Variants in KCNJ6 observed in about 807,000 individuals in gnomAD.
KCNJ6 encodes potassium inwardly rectifying channel subfamily J member 6.
A neutral mutation model predicts 34.2 loss-of-function variants in KCNJ6; 9 were observed. That is an observed-to-expected ratio of 0.26 (90% CI 0.16 to 0.46). KCNJ6 has a LOEUF of 0.46. Ranked by LOEUF, KCNJ6 falls within the 20% of genes least tolerant of loss-of-function variation. The probability of loss-of-function intolerance (pLI) is 1.00; values close to 1 mark genes in which losing one functional copy is unlikely to be tolerated. For missense variants in KCNJ6, 236 were observed against 531.3 expected (o/e 0.44, Z 5.46); for synonymous variants, 196 against 207.1 (o/e 0.95, Z 0.46).
chr21:37,675,185 G>C lies in KCNJ6; in HGVS notation c.946+39026C>G, dbSNP rs2054559159. ...GATATTCCCAGCGTCTGGCAATGTA[G>C]CAGGGGCTCCGTTTTGAACTACTGG... On this transcript the variant is annotated intron_variant, in intron 3 of 3. Transcript: ENST00000609713. The surrounding 1 kb of genome is among the most constrained non-coding windows in gnomAD (Gnocchi z 4.2). Among the ~76,000 whole-genome samples, 1 of 152,306 alleles carries C rather than the reference G, an allele frequency of 6.6e-6. No homozygotes were observed. The highest frequency in any genetic ancestry group is 2.4e-5 in the African/African-American group (1 of 41,564).
intron 1 of KCNJ6, among the ~76,000 whole-genome samples, chr21:37,904,397 C>A (rs2055831385): frequency 6.6e-6 from 1 of 152,024 alleles, no homozygotes; most frequent in South Asian, 2.1e-4. Flanking sequence ...GTGGTGCAAG[C>A]CAAATAAACA....
At chr21:37,680,254 A>G (rs2054584760) in intron 3 of KCNJ6, among the ~76,000 whole-genome samples, 1 of 152,200 alleles carries the variant, frequency 6.6e-6, no homozygotes. Context: ...TTCCTGAGGA[A>G]GAAAGCCCTC....
Position 37,616,551 on chromosome 21 carries a change from T to C in KCNJ6, c.*8608A>G, listed in dbSNP as rs1435690908. The C allele has an allele frequency of 6.5e-5, 8 of 123,070 alleles. No individual in the cohort carries two copies. Among genetic ancestry groups the C allele is most frequent in the African/African-American group, 2.5e-4 (8 of 31,890 alleles). 7.6% of individuals were successfully genotyped at this position (123,070 alleles called of 1,614,324 possible). Reference sequence around the variant, plus strand: ...CATGTATACGCCCAACCATCACTCATAGACTCTCTGGGCAATTATGAAGCA... The same window carrying C: ...CATGTATACGCCCAACCATCACTCACAGACTCTCTGGGCAATTATGAAGCA... On this transcript the variant is annotated 3_prime_UTR_variant, in exon 4 of 4. Transcript: ENST00000609713.
chr21:37,644,495 T>C (rs917066045), intron 3 of KCNJ6, among the ~76,000 whole-genome samples: 2 of 152,200 alleles, frequency 1.3e-5, no homozygotes, highest in East Asian at 3.8e-4. Context: ...ATAAGATGCA[T>C]GTGTCTAAGG....
At chr21:37,914,918 T>G (rs569901713) in intron 1 of KCNJ6, among the ~76,000 whole-genome samples, 83 of 65,176 alleles carry the variant, frequency 1.3e-3, no homozygotes, top group South Asian at 7.4e-3. Context: ...GTTGTGGGGT[T>G]TTTTTTTTTT....
chr21:37,911,741 T>A (rs1483673269), intron 1 of KCNJ6, among the ~76,000 whole-genome samples: 1 of 152,210 alleles, frequency 6.6e-6, no homozygotes, highest in East Asian at 1.9e-4. Flanking sequence ...GAGAAGAGCT[T>A]CACCTTATCT....
intron 2 of KCNJ6, among the ~76,000 whole-genome samples, chr21:37,813,065 AG>A (rs1165487194): frequency 6.6e-6 from 1 of 152,228 alleles, no homozygotes; most frequent in Non-Finnish European, 1.5e-5. Flanking sequence ...AATGCAGTAA[AG>A]GTTCAGGATA....
At chr21:37,736,751 C>A (rs2054915107) in intron 2 of KCNJ6, among the ~76,000 whole-genome samples, 1 of 152,204 alleles carries the variant, frequency 6.6e-6, no homozygotes, top group South Asian at 2.1e-4. Flanking sequence ...GTACTGTTCA[C>A]CTCTGCAGCC....
intron 3 of KCNJ6, among the ~76,000 whole-genome samples, chr21:37,671,323 G>A (rs1490372751): frequency 2.0e-5 from 3 of 152,242 alleles, no homozygotes; most frequent in Non-Finnish European, 4.4e-5. Context: ...AAAGGACTGA[G>A]TTCTGGGGGC....
chr21:37,724,566 G>A (rs922917913), intron 2 of KCNJ6, among the ~76,000 whole-genome samples: 4 of 152,214 alleles, frequency 2.6e-5, no homozygotes, highest in African/African-American at 9.6e-5. Context: ...AGTGAGTGTG[G>A]AGGGGAGTGG....
chr21:37,790,101 C>T (rs2123520934), intron 2 of KCNJ6, among the ~76,000 whole-genome samples: 1 of 152,196 alleles, frequency 6.6e-6, no homozygotes, highest in East Asian at 1.9e-4. Context: ...GGGTCAGACT[C>T]AAGTGGTCCA....
At chr21:37,716,414 C>G (rs902806425) in intron 2 of KCNJ6, among the ~76,000 whole-genome samples, 1 of 145,868 alleles carries the variant, frequency 6.9e-6, no homozygotes, top group African/African-American at 2.6e-5. Flanking sequence ...GGGTCTCGCT[C>G]TGCCACCCAG....
At position 37,639,972 on chromosome 21, in the gene KCNJ6, C is replaced by T. The variant is rs899061753; in HGVS notation, c.947-14488G>A. On this transcript the variant is annotated intron_variant, in intron 3 of 3. Transcript: ENST00000609713. Reference sequence around the variant, plus strand: ...TGATGCTATCATGCTTCCTGTACAGCCTGCAGATCTGTGAGCCAATTAAAC... The same window carrying T: ...TGATGCTATCATGCTTCCTGTACAGTCTGCAGATCTGTGAGCCAATTAAAC... Among the ~76,000 whole-genome samples the T allele has an allele frequency of 1.5e-3, 226 of 152,312 alleles. 1 individual carries two copies. The highest frequency in any genetic ancestry group is 5.3e-3 in the African/African-American group (220 of 41,558).
intron 1 of KCNJ6, among the ~76,000 whole-genome samples, chr21:37,875,590 G>A (rs1016630967): frequency 1.1e-4 from 16 of 152,230 alleles, no homozygotes; most frequent in Non-Finnish European, 2.2e-4. Context: ...ATGTGCAGCT[G>A]CAAACAGCTT....
intron 2 of KCNJ6, among the ~76,000 whole-genome samples, chr21:37,829,036 T>C (rs1196254562): frequency 2.0e-5 from 3 of 152,220 alleles, no homozygotes; most frequent in African/African-American, 7.2e-5. Context: ...CCAGGGCCTG[T>C]GCCATCCTGG....
At chr21:37,711,580 A>AT (rs894478538) in intron 3 of KCNJ6, among the ~76,000 whole-genome samples, 11 of 151,324 alleles carry the variant, frequency 7.3e-5, no homozygotes, top group Admixed American at 2.0e-4. Flanking sequence ...TTTGGTCCAC[A>AT]TTTTTTTTTC....
At chr21:37,723,424 T>C (rs2054836951) in intron 2 of KCNJ6, among the ~76,000 whole-genome samples, 1 of 152,212 alleles carries the variant, frequency 6.6e-6, no homozygotes, top group Admixed American at 6.5e-5. Flanking sequence ...ACTGAATATA[T>C]TCCTAAAGGA....
chr21:37,906,543 C>G (rs115334468), intron 1 of KCNJ6, among the ~76,000 whole-genome samples: 1 of 152,154 alleles, frequency 6.6e-6, no homozygotes, highest in East Asian at 1.9e-4. Flanking sequence ...TCCAGTAGAT[C>G]GGGGGGTGAG....
chr21:37,692,677 G>A (rs867220289), intron 3 of KCNJ6, among the ~76,000 whole-genome samples: 6 of 152,304 alleles, frequency 3.9e-5, no homozygotes, highest in Middle Eastern at 6.8e-3. Context: ...AGTGAATCAG[G>A]AAAATGGCAG....
Sources: allele counts gnomAD v4.1 joint callset (sites outside exome capture counted in the v4.1 genomes callset), GRCh38; gene constraint gnomAD v4.1.1; non-coding constraint Gnocchi (gnomAD v3.1); transcripts MANE v1.5; gene names NCBI Gene and HGNC (gene_info 2026-07-23, HGNC 2026-07-21).